CARM1: variants seen among roughly 807,000 people sequenced by gnomAD.
CARM1 encodes the protein histone-arginine methyltransferase CARM1.
A neutral mutation model predicts 72.7 loss-of-function variants in CARM1; 14 were observed. The observed-to-expected ratio is 0.19, with a 90% CI of 0.13 to 0.30. The LOEUF is 0.30. Ranked by LOEUF, CARM1 falls within the 10% of genes least tolerant of loss-of-function variation. CARM1 has a pLI of 1.00. For missense variants in CARM1, 432 were observed against 833.7 expected (o/e 0.52, Z 5.93); for synonymous variants, 333 against 345.5 (o/e 0.96, Z 0.40).
chr19:10,887,725 G>A (rs570600009), intron 1 of CARM1, among the ~76,000 whole-genome samples: 7 of 152,224 alleles, frequency 4.6e-5, no homozygotes, highest in Non-Finnish European at 7.3e-5. Flanking sequence ...TTACAGGCAT[G>A]TGCCAGCATG....
intron 1 of CARM1, among the ~76,000 whole-genome samples, chr19:10,897,395 A>C (rs889608355): frequency 1.3e-5 from 2 of 152,094 alleles, no homozygotes; most frequent in Admixed American, 6.5e-5. Context: ...GGCTCATGGC[A>C]GCTGGGGGTT....
Position 10,920,895 on chromosome 19 carries a change from A to G in CARM1, c.1486A>G (p.Met496Val), listed in dbSNP as rs776555035. ...CCACTACACATCTCCCTCGGAAAAC[A>G]TGTGGAACACGGGCAGCACCTACAA... ...GSHYTSPSEN[M>V]WNTGSTYNLS... Residue 496 changes from methionine to valine, a missense_variant, in exon 13 of 16, where the codon ATG (methionine) becomes GTG (valine). Met to Val is a conservative substitution (Grantham distance 21, BLOSUM62 1). Transcript: ENST00000327064. The surrounding 1 kb of genome is among the most constrained non-coding windows in gnomAD (Gnocchi z 5.3). 10 of 1,614,194 alleles carry G rather than the reference A, an allele frequency of 6.2e-6. No homozygotes were observed. Among genetic ancestry groups the G allele is most frequent in the East Asian group, 2.2e-5 (1 of 44,874 alleles).
Position 10,871,577 on chromosome 19 carries a change from GGCGGTA to G in CARM1, c.-121_-116del, listed in dbSNP as rs1185799654. 3.5e-5 allele frequency: 5 copies of G among 144,872 alleles called. No individual in the cohort carries two copies. Among genetic ancestry groups the G allele is most frequent in the East Asian group, 4.2e-4 (2 of 4,752 alleles). The allele number at this position is 144,872 out of a possible 1,614,324, so 9.0% of individuals were successfully genotyped here. A position where few individuals can be genotyped will look rare whatever the true frequency, so the allele number is the denominator to read the frequency against. On this transcript the variant is annotated 5_prime_UTR_variant, in exon 1 of 16. Transcript: ENST00000327064. The surrounding 1 kb of genome is among the most constrained non-coding windows in gnomAD (Gnocchi z 5.6). ...CCTCGGCCTGCACGGCGGCTGCGGC[GGCGGTA>G]GCGGCAGCGGCGGCGGCGGCGGCGG... is the stretch of plus-strand genomic sequence containing the variant.
At chr19:10,914,756 G>A (rs35991287) in intron 6 of CARM1, among the ~76,000 whole-genome samples, 32,279 of 152,094 alleles carry the variant, frequency 0.21, 3,714 homozygotes, top group Middle Eastern at 0.31. Context: ...GGGTTTCACC[G>A]TGTTGGTCAG....
At chr19:10,907,249 C>G (rs1389068785) in intron 2 of CARM1, among the ~76,000 whole-genome samples, 1 of 151,586 alleles carries the variant, frequency 6.6e-6, no homozygotes, top group African/African-American at 2.4e-5. Flanking sequence ...GTTGCCCAGG[C>G]TGGCCTCTTA....
At position 10,912,175 on chromosome 19, in the gene CARM1, C is replaced by A. The variant is rs1239319774; in HGVS notation, c.559-9C>A. On this transcript the variant is annotated splice_polypyrimidine_tract_variant and intron_variant, in intron 4 of 15. Transcript: ENST00000327064. The surrounding 1 kb of genome is among the most constrained non-coding windows in gnomAD (Gnocchi z 4.5). ...TATGTCTCGCTCTCACCTCCCACTC[C>A]TCCCTCAGATCGTTCTTGATGTTGG... 6.2e-7 allele frequency: 1 copy of A among 1,610,788 alleles called. No individual in the cohort carries two copies. The highest frequency in any genetic ancestry group is 1.1e-5 in the South Asian group (1 of 91,012).
chr19:10,893,659 G>A (rs1249582826), intron 1 of CARM1, among the ~76,000 whole-genome samples: 1 of 152,188 alleles, frequency 6.6e-6, no homozygotes, highest in Non-Finnish European at 1.5e-5. Context: ...TTTATAGATG[G>A]GGCTCCTGAG....
chr19:10,921,819 G>C lies in CARM1; in HGVS notation c.*62G>C. 3 of 1,504,350 alleles carry C rather than the reference G, an allele frequency of 2.0e-6. No homozygotes were observed. The highest frequency in any genetic ancestry group is 2.3e-5 in the East Asian group (1 of 42,988). 93.2% of individuals were successfully genotyped at this position (1,504,350 alleles called of 1,614,324 possible). The stretch of plus-strand genomic sequence containing the variant: ...AATGATGTCCCTGCCCGCCGCCCCC[G>C]CCGGGCGGCTTTCCCCCTTGTACTG... On this transcript the variant is annotated 3_prime_UTR_variant, in exon 16 of 16. Transcript: ENST00000327064.
chr19:10,910,749 A>G (rs1324774569), intron 4 of CARM1, among the ~76,000 whole-genome samples: 1 of 151,726 alleles, frequency 6.6e-6, no homozygotes, highest in African/African-American at 2.4e-5. Context: ...TATTTTTGGT[A>G]GAGACAGGGT....
At chr19:10,899,296 C>T (rs765957584) in intron 1 of CARM1, among the ~76,000 whole-genome samples, 3 of 152,178 alleles carry the variant, frequency 2.0e-5, no homozygotes, top group Non-Finnish European at 2.9e-5. Flanking sequence ...CAGAGAGGGA[C>T]GCCTCAGGCA....
rs542791256 is a variant in CARM1 at position 10,895,969 on chromosome 19, G to C, written c.221-8982G>C. On this transcript the variant is annotated intron_variant, in intron 1 of 15. Coordinates refer to ENST00000327064, the MANE Select transcript of CARM1 (RefSeq NM_199141.2). ...AACCTCTGCCCATGATCTTGACCGG[G>C]AGAGAGTGTTGAAGGCCAGCGAGGT... Among the ~76,000 whole-genome samples, 263 of 152,276 alleles carry C rather than the reference G, an allele frequency of 1.7e-3. 1 individual carries two copies. Among genetic ancestry groups the C allele is most frequent in the Non-Finnish European group, 4.1e-4 (28 of 68,016 alleles).
intron 1 of CARM1, among the ~76,000 whole-genome samples, chr19:10,884,752 T>C (rs923240035): frequency 7.2e-5 from 11 of 152,184 alleles, no homozygotes; most frequent in African/African-American, 2.7e-4. Flanking sequence ...TCCCCCAGGC[T>C]GGAGTGCAGT....
rs374218684 is a variant in CARM1 at position 10,921,769 on chromosome 19, G to T, written c.*12G>T. ...ACTACGGGAGCTAGGGGCCCGCCCC[G>T]CGGACTGACAGCACCAGGAAACCAA... is the stretch of plus-strand genomic sequence containing the variant. On this transcript the variant is annotated 3_prime_UTR_variant, in exon 16 of 16. Transcript: ENST00000327064. 3 of 1,574,724 alleles carry T rather than the reference G, an allele frequency of 1.9e-6. No homozygotes were observed. Among genetic ancestry groups the T allele is most frequent in the African/African-American group, 1.4e-5 (1 of 73,962 alleles).
intron 3 of CARM1, chr19:10,908,463 G>A: frequency 6.8e-6 from 2 of 293,690 alleles, no homozygotes; most frequent in Non-Finnish European, 1.3e-5. Flanking sequence ...GCCAGGCCCT[G>A]GTCTAAGCGC....
chr19:10,922,015 C>T lies in CARM1; in HGVS notation c.*258C>T. On this transcript the variant is annotated 3_prime_UTR_variant, in exon 16 of 16. Transcript: ENST00000327064. Reference sequence around the variant, plus strand: ...TGGGAGCCCTCGTCCCCCCTCCTGCCCGCTCTACCCTGACCTGGGCTTGTC... The same window carrying T: ...TGGGAGCCCTCGTCCCCCCTCCTGCTCGCTCTACCCTGACCTGGGCTTGTC... The T allele has an allele frequency of 7.9e-6, 3 of 380,294 alleles. No homozygotes were observed. The highest frequency in any genetic ancestry group is 4.5e-5 in the Admixed American group (1 of 22,402). 23.6% of individuals were successfully genotyped at this position (380,294 alleles called of 1,614,324 possible).
intron 1 of CARM1, among the ~76,000 whole-genome samples, chr19:10,903,270 C>A (rs1448567392): frequency 6.6e-6 from 1 of 152,092 alleles, no homozygotes; most frequent in Non-Finnish European, 1.5e-5. Flanking sequence ...ACTGTACCTT[C>A]GTAGTAAAAT....
chr19:10,904,529 T>C (rs2074088806), intron 1 of CARM1, among the ~76,000 whole-genome samples: 1 of 152,196 alleles, frequency 6.6e-6, no homozygotes, highest in African/African-American at 2.4e-5. Flanking sequence ...ACAAATGGCA[T>C]GGATGGGGTG....
chr19:10,895,966 C>T lies in CARM1; in HGVS notation c.221-8985C>T, dbSNP rs532319314. On this transcript the variant is annotated intron_variant, in intron 1 of 15. Transcript: ENST00000327064. The stretch of plus-strand genomic sequence containing the variant: ...GAGAACCTCTGCCCATGATCTTGAC[C>T]GGGAGAGAGTGTTGAAGGCCAGCGA... 3.9e-5 allele frequency among the ~76,000 whole-genome samples: 6 copies of T among 152,110 alleles called. No individual in the cohort carries two copies. The East Asian group carries it at 5.8e-4, about 15-fold the overall frequency.
At chr19:10,894,857 C>G (rs1023689896) in intron 1 of CARM1, among the ~76,000 whole-genome samples, 1 of 151,822 alleles carries the variant, frequency 6.6e-6, no homozygotes, top group South Asian at 2.1e-4. Context: ...TTTCCTGCCA[C>G]AACTTCCCAC....
Sources: allele counts gnomAD v4.1 joint callset (sites outside exome capture counted in the v4.1 genomes callset), GRCh38; gene constraint gnomAD v4.1.1; non-coding constraint Gnocchi (gnomAD v3.1); transcripts MANE v1.5; gene names NCBI Gene and HGNC (gene_info 2026-07-23, HGNC 2026-07-21).